The following VAV3 variants were observed in gnomAD, a reference collection of about 807,000 sequenced individuals.
VAV3 encodes vav guanine nucleotide exchange factor 3, also known as guanine nucleotide exchange factor VAV3.
Under a neutral mutation model 131.2 loss-of-function variants are expected in VAV3, and 94 were observed. The observed-to-expected ratio is 0.72, with a 90% CI of 0.61 to 0.85. The LOEUF (loss-of-function observed/expected upper bound fraction) is 0.85, where lower values mean the gene tolerates loss of function less well. Among genes scored for constraint, VAV3 ranks in the 40% least tolerant of loss-of-function variants. The pLI is 0.00. For synonymous variants in VAV3, 349 were observed against 342.0 expected, an observed-to-expected ratio of 1.02 and a Z score of -0.22; for missense variants, 939 against 1,002.7, an observed-to-expected ratio of 0.94 and a Z score of 0.86.
chr1:107,846,308 C>T (rs768024335), intron 2 of VAV3, among the ~76,000 whole-genome samples: 1 of 152,092 alleles, frequency 6.6e-6, no homozygotes, highest in Non-Finnish European at 1.5e-5. Flanking sequence ...GGACTAAATA[C>T]GGAAAGGAAA....
At chr1:107,812,234 G>A (rs79375406) in intron 2 of VAV3, among the ~76,000 whole-genome samples, 2,140 of 152,248 alleles carry the variant, frequency 0.014, 53 homozygotes, top group African/African-American at 0.049. Context: ...TGCTGGCAGA[G>A]TTGACACTCT....
At chr1:107,783,212 G>C (rs1275774020) in intron 2 of VAV3, among the ~76,000 whole-genome samples, 1 of 152,162 alleles carries the variant, frequency 6.6e-6, no homozygotes, top group Non-Finnish European at 1.5e-5. Flanking sequence ...CAGAAGCTAG[G>C]AAGGACCATT....
At chr1:107,679,329 CTT>C (rs1190932212) in intron 19 of VAV3, among the ~76,000 whole-genome samples, 6 of 152,154 alleles carry the variant, frequency 3.9e-5, no homozygotes, top group African/African-American at 1.4e-4. Context: ...AGAAAGGACT[CTT>C]ATCAATTTAA....
intron 19 of VAV3, among the ~76,000 whole-genome samples, chr1:107,656,327 C>T (rs1333320585): frequency 6.6e-6 from 1 of 152,052 alleles, no homozygotes; most frequent in Non-Finnish European, 1.5e-5. Context: ...ATGAGTGGAA[C>T]TGGAGGTTAT....
chr1:107,845,748 G>GA, intron 2 of VAV3, among the ~76,000 whole-genome samples: 1 of 152,046 alleles, frequency 6.6e-6, no homozygotes, highest in South Asian at 2.1e-4. Context: ...CAAGATTAGA[G>GA]AAAAAAGAAT....
At position 107,772,908 on chromosome 1, in the gene VAV3, GC is replaced by G. The variant is rs770950286; in HGVS notation, c.447-66del. 9,202 of 1,353,836 alleles carry G rather than the reference GC, an allele frequency of 6.8e-3. 48 individuals are homozygous for G. Among genetic ancestry groups the G allele is most frequent in the Middle Eastern group, 0.022 (118 of 5,432 alleles). The allele number at this position is 1,353,836 out of a possible 1,614,324, so 83.9% of individuals were successfully genotyped here. A position where few individuals can be genotyped will look rare whatever the true frequency, so the allele number is the denominator to read the frequency against. On this transcript the variant is annotated intron_variant, in intron 4 of 26. Coordinates refer to ENST00000370056, the MANE Select transcript of VAV3 (RefSeq NM_006113.5). Reference sequence around the variant, plus strand: ...GCAGTAAATGCAATAGCTACAAATAGCCTACTGGATTTTAGTAAAAAATCCA... The same window carrying G: ...GCAGTAAATGCAATAGCTACAAATAGCTACTGGATTTTAGTAAAAAATCCA...
At chr1:107,660,045 T>A (rs1656891567) in intron 19 of VAV3, among the ~76,000 whole-genome samples, 1 of 152,158 alleles carries the variant, frequency 6.6e-6, no homozygotes, top group Non-Finnish European at 1.5e-5. Context: ...ACAACTGAAA[T>A]GAAAATTCCT....
chr1:107,753,806 C>T (rs968698141), intron 12 of VAV3, among the ~76,000 whole-genome samples: 6 of 151,808 alleles, frequency 4.0e-5, no homozygotes, highest in Admixed American at 6.6e-5. Context: ...GTGATCTGCC[C>T]GCCTCGGCCT....
intron 1 of VAV3, among the ~76,000 whole-genome samples, chr1:107,895,161 A>G (rs909588755): frequency 2.0e-5 from 3 of 152,116 alleles, no homozygotes; most frequent in African/African-American, 7.2e-5. Flanking sequence ...GCAGGAACAC[A>G]GGGCTGCAAT....
At chr1:107,712,083 A>G (rs1352664724) in intron 15 of VAV3, among the ~76,000 whole-genome samples, 1 of 152,232 alleles carries the variant, frequency 6.6e-6, no homozygotes, top group African/African-American at 2.4e-5. Flanking sequence ...TTACAAATTT[A>G]AAACAAATCC....
At chr1:107,642,956 C>T (rs1043476630) in intron 19 of VAV3, among the ~76,000 whole-genome samples, 1 of 152,142 alleles carries the variant, frequency 6.6e-6, no homozygotes, top group Non-Finnish European at 1.5e-5. Flanking sequence ...ACATATTTAT[C>T]CCATGATCCC....
chr1:107,699,724 ATTCT>A (rs1198397432), intron 17 of VAV3, among the ~76,000 whole-genome samples: 4 of 152,050 alleles, frequency 2.6e-5, no homozygotes, highest in African/African-American at 7.2e-5. Context: ...CCAAAGCTCG[ATTCT>A]TTCTCTCTCT....
chr1:107,851,171 CAAAAAAAA>C, intron 2 of VAV3, among the ~76,000 whole-genome samples: 1 of 68,504 alleles, frequency 1.5e-5, no homozygotes, highest in South Asian at 5.2e-4. Context: ...GACTCCGTCT[CAAAAAAAA>C]AAAAAAAAAA....
At chr1:107,710,346 G>A (rs1305807465) in intron 15 of VAV3, among the ~76,000 whole-genome samples, 1 of 152,092 alleles carries the variant, frequency 6.6e-6, no homozygotes, top group Non-Finnish European at 1.5e-5. Flanking sequence ...TAGGAGAGCT[G>A]GAAGCAAATG....
At chr1:107,806,024 A>G (rs1667045538) in intron 2 of VAV3, among the ~76,000 whole-genome samples, 1 of 152,126 alleles carries the variant, frequency 6.6e-6, no homozygotes, top group Non-Finnish European at 1.5e-5. Flanking sequence ...ATAGCATGGT[A>G]CTGAAAAGCC....
intron 25 of VAV3, among the ~76,000 whole-genome samples, chr1:107,582,462 G>A (rs1013319509): frequency 6.6e-6 from 1 of 151,856 alleles, no homozygotes; most frequent in African/African-American, 2.4e-5. Flanking sequence ...TGCACAATGT[G>A]CAGGTTAGTT....
intron 1 of VAV3, among the ~76,000 whole-genome samples, chr1:107,910,189 T>C (rs1244746960): frequency 6.6e-6 from 1 of 152,228 alleles, no homozygotes; most frequent in African/African-American, 2.4e-5. Flanking sequence ...GTGGAATTTG[T>C]ATCCAGGCCT....
rs1166211235 is a variant in VAV3 at position 107,758,763 on chromosome 1, C to T, written c.1018-1434G>A. 3.9e-5 allele frequency among the ~76,000 whole-genome samples: 6 copies of T among 152,256 alleles called. 1 individual carries two copies. The Middle Eastern group carries it at 0.017, about 432-fold the overall frequency. On this transcript the variant is annotated intron_variant, in intron 10 of 26. Coordinates refer to ENST00000370056, the MANE Select transcript of VAV3 (RefSeq NM_006113.5). ...CAGGTTGTCACCCATACCTCCTAGA[C>T]TCCTCATGATCTGAATTCTGCAAAC...
intron 15 of VAV3, among the ~76,000 whole-genome samples, chr1:107,713,377 CAT>C (rs1343742597): frequency 6.6e-6 from 1 of 151,342 alleles, no homozygotes; most frequent in African/African-American, 2.4e-5. Context: ...AAAAAAAACA[CAT>C]AAAAAATTAG....
Sources: gnomAD v4.1 joint callset for allele counts (sites outside exome capture counted in the v4.1 genomes callset) on GRCh38, gnomAD v4.1.1 for gene constraint, MANE v1.5 for transcripts, NCBI Gene and HGNC (gene_info 2026-07-23, HGNC 2026-07-21) for gene names.